MME: variants seen among roughly 807,000 people sequenced by gnomAD.
The protein encoded by MME is membrane metalloendopeptidase, also known as neprilysin.
In MME, 98 loss-of-function variants were observed where a neutral mutation model predicts 113.2. The observed-to-expected ratio is 0.87, with a 90% CI of 0.74 to 1.02. MME has a LOEUF of 1.02. Ranked by LOEUF, MME falls within the 50% of genes least tolerant of loss-of-function variation. The pLI is 0.00. For synonymous variants in MME, 292 were observed against 300.6 expected (o/e 0.97, Z 0.30); for missense variants, 836 against 896.0 (o/e 0.93, Z 0.86).
chr3:155,161,311 G>C (rs982760586), intron 17 of MME, among the ~76,000 whole-genome samples: 2 of 152,030 alleles, frequency 1.3e-5, no homozygotes, highest in Non-Finnish European at 2.9e-5. Context: ...GGTGCACTCA[G>C]TTCTCCAGGT....
At chr3:155,153,184 G>A (rs1722063477) in intron 16 of MME, among the ~76,000 whole-genome samples, 1 of 151,954 alleles carries the variant, frequency 6.6e-6, no homozygotes, top group Non-Finnish European at 1.5e-5. Context: ...GCACCACCAT[G>A]CCCAGCTAAT....
At chr3:155,033,970 A>G (rs770612293) in intron 1 of MME, among the ~76,000 whole-genome samples, 4 of 152,136 alleles carry the variant, frequency 2.6e-5, no homozygotes, top group Non-Finnish European at 5.9e-5. Flanking sequence ...ATACCAACAG[A>G]TTCAAAATTA....
At chr3:155,028,744 G>A (rs1712868784) in intron 1 of MME, among the ~76,000 whole-genome samples, 1 of 152,122 alleles carries the variant, frequency 6.6e-6, no homozygotes. Context: ...CAATTGAAAT[G>A]TCAACCTAAA....
chr3:155,140,127 A>G, intron 9 of MME, 64 bp from the exon 10 acceptor site: 1 of 1,097,404 alleles, frequency 9.1e-7, no homozygotes, highest in Non-Finnish European at 1.4e-6. Context: ...TTACCCTCAT[A>G]TGTAGTTATA....
At chr3:155,120,316 C>A (rs1436995851) in intron 8 of MME, among the ~76,000 whole-genome samples, 1 of 111,944 alleles carries the variant, frequency 8.9e-6, no homozygotes, top group Admixed American at 1.1e-4. Flanking sequence ...TGGATATTAG[C>A]CCTTTGTCAG....
intron 18 of MME, 59 bp from the exon 19 acceptor site, chr3:155,168,433 C>T: frequency 7.0e-7 from 1 of 1,424,814 alleles, no homozygotes; most frequent in Non-Finnish European, 9.8e-7. Flanking sequence ...TTGAATTAAA[C>T]ATATCTTATA....
chr3:155,041,019 A>G (rs1394026835), intron 1 of MME, among the ~76,000 whole-genome samples: 1 of 152,208 alleles, frequency 6.6e-6, no homozygotes, highest in African/African-American at 2.4e-5. Flanking sequence ...CTCTATATGT[A>G]CATTTTCCTC....
At chr3:155,111,920 G>C (rs1221238226) in intron 3 of MME, among the ~76,000 whole-genome samples, 1 of 152,122 alleles carries the variant, frequency 6.6e-6, no homozygotes, top group African/African-American at 2.4e-5. Context: ...ACTTCTTTCA[G>C]GCTCTAGTTT....
chr3:155,097,682 A>G (rs1381874820), intron 3 of MME, among the ~76,000 whole-genome samples: 1 of 152,204 alleles, frequency 6.6e-6, no homozygotes, highest in Non-Finnish European at 1.5e-5. Flanking sequence ...AAGATGGCTG[A>G]AATGCAAACA....
chr3:155,063,248 A>ATGT (rs1470643525), intron 1 of MME, among the ~76,000 whole-genome samples: 10 of 116,800 alleles, frequency 8.6e-5, no homozygotes, highest in African/African-American at 2.7e-4. Flanking sequence ...ATTATATAAT[A>ATGT]ATATACATAT....
At chr3:155,090,405 A>G (rs1716185665) in intron 3 of MME, 1 of 152,170 alleles carries the variant, frequency 6.6e-6, no homozygotes, top group Admixed American at 6.5e-5. Context: ...AACCCTATAT[A>G]TGCTATATTT....
At chr3:155,046,796 C>T (rs1197896757) in intron 1 of MME, among the ~76,000 whole-genome samples, 1 of 151,568 alleles carries the variant, frequency 6.6e-6, no homozygotes, top group African/African-American at 2.4e-5. Context: ...TAATTTTTAA[C>T]AAAAAAGTTT....
chr3:155,144,177 G>A lies in MME; in HGVS notation c.1318-182G>A, dbSNP rs1721330805. On this transcript the variant is annotated intron_variant, in intron 13 of 22. Transcript: ENST00000360490. ...TATTTAATCAAGAGTGTCGATAATA[G>A]CAATATTGCTTTTAAAATATAATGG... 2.6e-5 allele frequency among the ~76,000 whole-genome samples: 4 copies of A among 152,010 alleles called. No individual in the cohort carries two copies. In the South Asian group the frequency reaches 8.3e-4, roughly 32 times the overall value.
chr3:155,096,470 A>G (rs1454429491), intron 3 of MME, among the ~76,000 whole-genome samples: 1 of 152,208 alleles, frequency 6.6e-6, no homozygotes. Flanking sequence ...TATTGGCAAA[A>G]GAAATAAGCA....
chr3:155,132,736 C>T (rs752252953), intron 8 of MME, among the ~76,000 whole-genome samples: 1 of 151,848 alleles, frequency 6.6e-6, no homozygotes, highest in Non-Finnish European at 1.5e-5. Context: ...AGTATCCTGG[C>T]CAATCTACTT....
At chr3:155,152,470 G>A (rs1722003679) in intron 16 of MME, among the ~76,000 whole-genome samples, 1 of 152,140 alleles carries the variant, frequency 6.6e-6, no homozygotes, top group South Asian at 2.1e-4. Flanking sequence ...CTTTATGAAT[G>A]TTTATGGGAA....
intron 17 of MME, among the ~76,000 whole-genome samples, chr3:155,160,959 A>G (rs966327687): frequency 3.1e-4 from 47 of 152,194 alleles, no homozygotes; most frequent in Middle Eastern, 6.8e-3. Flanking sequence ...AATCTCAATT[A>G]TATTCGATTG....
intron 3 of MME, among the ~76,000 whole-genome samples, chr3:155,098,280 G>A (rs1166432102): frequency 6.6e-6 from 1 of 152,148 alleles, no homozygotes; most frequent in Non-Finnish European, 1.5e-5. Flanking sequence ...GGCTGGCTGG[G>A]CGCAGTGGCT....
At chr3:155,038,107 T>C (rs1037690275) in intron 1 of MME, among the ~76,000 whole-genome samples, 1 of 152,210 alleles carries the variant, frequency 6.6e-6, no homozygotes, top group Admixed American at 6.5e-5. Flanking sequence ...TAGTGCCATA[T>C]GTTTTTCAGT....
Sources: allele counts gnomAD v4.1 joint callset (sites outside exome capture counted in the v4.1 genomes callset), GRCh38; gene constraint gnomAD v4.1.1; transcripts MANE v1.5; gene names NCBI Gene and HGNC (gene_info 2026-07-23, HGNC 2026-07-21).